The following SH3BP4 variants were observed in gnomAD, a reference collection of about 807,000 sequenced individuals.
SH3BP4 encodes SH3 domain-binding protein 4.
Under a neutral mutation model 65.5 loss-of-function variants are expected in SH3BP4, and 33 were observed. That is an observed-to-expected ratio of 0.50 (90% CI 0.38 to 0.67). The LOEUF (loss-of-function observed/expected upper bound fraction) is 0.67, where lower values mean the gene tolerates loss of function less well. Among genes scored for constraint, SH3BP4 ranks in the 30% least tolerant of loss-of-function variants. The pLI is 0.00. For synonymous variants in SH3BP4, 552 were observed against 545.5 expected, an observed-to-expected ratio of 1.01 and a Z score of -0.17; for missense variants, 1,134 against 1,261.4, an observed-to-expected ratio of 0.90 and a Z score of 1.53.
chr2:235,023,054 A>G (rs903528067), intron 2 of SH3BP4, among the ~76,000 whole-genome samples: 60 of 152,292 alleles, frequency 3.9e-4, no homozygotes, highest in African/African-American at 1.3e-3. Flanking sequence ...CGGCAAAATG[A>G]CTTTCCCCAA....
At chr2:234,984,315 C>G (rs1249135006) in intron 1 of SH3BP4, among the ~76,000 whole-genome samples, 1 of 152,196 alleles carries the variant, frequency 6.6e-6, no homozygotes, top group Non-Finnish European at 1.5e-5. Flanking sequence ...GATCCTCCCA[C>G]CCCAGCCTCC....
intron 2 of SH3BP4, among the ~76,000 whole-genome samples, chr2:235,015,712 G>A (rs1224318743): frequency 1.3e-5 from 2 of 152,192 alleles, no homozygotes; most frequent in Non-Finnish European, 2.9e-5. Context: ...TGAGTGGTGG[G>A]GTTGGCCAGA....
Position 234,974,355 on chromosome 2 carries a change from CTCTG to C in SH3BP4, c.-206-20944_-206-20941del, listed in dbSNP as rs549364462. Among the ~76,000 whole-genome samples, 274 of 151,858 alleles carry C rather than the reference CTCTG, an allele frequency of 1.8e-3. 1 individual carries two copies. The highest frequency in any genetic ancestry group is 6.4e-3 in the African/African-American group (266 of 41,376). On this transcript the variant is annotated intron_variant, in intron 1 of 5. Transcript: ENST00000392011. This position sits in a 1 kb window ranked among gnomAD's most constrained non-coding sequence, Gnocchi z 4.6. ...ACTCCAGCCTGGGCAAAGAGCGAAA[CTCTG>C]TCTAAAAAAAAATAAATAAATAAAA... is the stretch of plus-strand genomic sequence containing the variant.
At position 234,952,169 on chromosome 2, in the gene SH3BP4, A is replaced by C. The variant is rs1692484494; in HGVS notation, c.-208A>C. ...AGCCGGCGGGGACGCCATGCGAGCC[A>C]GGTAGGCAGGCGGCGGCGGGGAGCG... On this transcript the variant is annotated splice_region_variant and 5_prime_UTR_variant, in exon 1 of 6. Transcript: ENST00000392011. This position sits in a 1 kb window ranked among gnomAD's most constrained non-coding sequence, Gnocchi z 6.5. The C allele has an allele frequency of 6.7e-6, 1 of 149,088 alleles. No individual in the cohort carries two copies. The highest frequency in any genetic ancestry group is 2.4e-5 in the African/African-American group (1 of 40,888). 9.2% of individuals were successfully genotyped at this position (149,088 alleles called of 1,614,324 possible). A position where few individuals can be genotyped will look rare whatever the true frequency, so the allele number is the denominator to read the frequency against.
Position 234,985,767 on chromosome 2 carries a change from C to T in SH3BP4, c.-206-9536C>T, listed in dbSNP as rs868044690. On this transcript the variant is annotated intron_variant, in intron 1 of 5. Transcript: ENST00000392011. Reference sequence around the variant, plus strand: ...TGAACCAGCCTGTGACACACGCCTACGAGCTCAAGGAGCACGGTGCAGGTG... The same window carrying T: ...TGAACCAGCCTGTGACACACGCCTATGAGCTCAAGGAGCACGGTGCAGGTG... Among the ~76,000 whole-genome samples the T allele has an allele frequency of 4.0e-5, 6 of 151,444 alleles. No individual in the cohort carries two copies. In the South Asian group the frequency reaches 1.0e-3, roughly 26 times the overall value.
intron 1 of SH3BP4, among the ~76,000 whole-genome samples, chr2:234,968,892 T>G (rs902965418): frequency 6.6e-6 from 1 of 152,262 alleles, no homozygotes; most frequent in Admixed American, 6.5e-5. Context: ...TTTTATTTTA[T>G]GCAAACAGTG....
At chr2:234,989,656 T>C (rs946559795) in intron 1 of SH3BP4, among the ~76,000 whole-genome samples, 15 of 152,366 alleles carry the variant, frequency 9.8e-5, no homozygotes, top group African/African-American at 3.1e-4. Context: ...AGAAGAGCTA[T>C]TGATAAACTG....
intron 4 of SH3BP4, among the ~76,000 whole-genome samples, chr2:235,048,798 C>G (rs554805982): frequency 4.6e-5 from 7 of 152,308 alleles, no homozygotes; most frequent in African/African-American, 1.7e-4. Flanking sequence ...CTATCTGTCC[C>G]TTTATAAAGT....
chr2:235,005,905 G>A (rs1215539928), intron 2 of SH3BP4, among the ~76,000 whole-genome samples: 2 of 152,042 alleles, frequency 1.3e-5, no homozygotes, highest in African/African-American at 2.4e-5. Context: ...ACACAGCCAA[G>A]CACTCTTAGC....
rs1237853566 is a variant in SH3BP4, at chr2:235,002,805, G to A, written c.-133+7429G>A. Among the ~76,000 whole-genome samples the A allele has an allele frequency of 5.3e-5, 8 of 152,330 alleles. No individual in the cohort carries two copies. In the East Asian group the frequency reaches 7.7e-4, roughly 15 times the overall value. On this transcript the variant is annotated intron_variant, in intron 2 of 5. Coordinates refer to ENST00000392011, the MANE Select transcript of SH3BP4 (RefSeq NM_014521.3). ...AGTAGAATCTTCTGATCCCAGTGCCGTGACATAGGGTCCCCAGAGCAGATG... is the reference window on the plus strand; with the variant it reads ...AGTAGAATCTTCTGATCCCAGTGCCATGACATAGGGTCCCCAGAGCAGATG...
At chr2:235,003,384 A>G (rs1256051708) in intron 2 of SH3BP4, among the ~76,000 whole-genome samples, 4 of 152,388 alleles carry the variant, frequency 2.6e-5, no homozygotes, top group African/African-American at 9.6e-5. Context: ...TTTGACAGGA[A>G]AAAAGGGGAT....
chr2:234,969,144 C>G (rs1451870017), intron 1 of SH3BP4, among the ~76,000 whole-genome samples: 1 of 152,226 alleles, frequency 6.6e-6, no homozygotes, highest in Non-Finnish European at 1.5e-5. Flanking sequence ...CACAGGGGAG[C>G]TTTCATTTGA....
intron 2 of SH3BP4, among the ~76,000 whole-genome samples, chr2:235,007,625 C>T (rs748616370): frequency 1.8e-4 from 27 of 152,166 alleles, no homozygotes; most frequent in Non-Finnish European, 3.4e-4. Flanking sequence ...AATTGATTGA[C>T]TGGTTTTGGA....
At position 234,970,128 on chromosome 2, in the gene SH3BP4, TAC is replaced by T. The variant is rs532643196; in HGVS notation, c.-207+17967_-207+17968del. Among the ~76,000 whole-genome samples the T allele has an allele frequency of 6.6e-5, 10 of 151,550 alleles. No individual in the cohort carries two copies. In the East Asian group the frequency reaches 1.4e-3, roughly 21 times the overall value. On this transcript the variant is annotated intron_variant, in intron 1 of 5. Coordinates refer to ENST00000392011, the MANE Select transcript of SH3BP4 (RefSeq NM_014521.3). ...TCACTCACACACACTCTCACACTCT[TAC>T]ACACACACTCTCACACTCACTCACA...
chr2:234,991,671 C>T lies in SH3BP4; in HGVS notation c.-206-3632C>T, dbSNP rs140890598. On this transcript the variant is annotated intron_variant, in intron 1 of 5. Coordinates refer to ENST00000392011, the MANE Select transcript of SH3BP4 (RefSeq NM_014521.3). The surrounding 1 kb of genome is among the most constrained non-coding windows in gnomAD (Gnocchi z 4.2). Reference sequence around the variant, plus strand: ...GGAGAACAGTGCTTGACTGAAAGATCGTACCCCCCTCTTCTCAGCAAGGCG... The same window carrying T: ...GGAGAACAGTGCTTGACTGAAAGATTGTACCCCCCTCTTCTCAGCAAGGCG... Among the ~76,000 whole-genome samples, 3 of 152,336 alleles carry T rather than the reference C, an allele frequency of 2.0e-5. No homozygotes were observed. The highest frequency in any genetic ancestry group is 4.1e-4 in the South Asian group (2 of 4,828).
chr2:235,018,434 C>T (rs976521408), intron 2 of SH3BP4, among the ~76,000 whole-genome samples: 4 of 152,246 alleles, frequency 2.6e-5, no homozygotes, highest in African/African-American at 4.8e-5. Context: ...GCTGCCACTT[C>T]CCTCTTAAAC....
chr2:234,986,995 C>G (rs1192997819), intron 1 of SH3BP4, among the ~76,000 whole-genome samples: 1 of 151,990 alleles, frequency 6.6e-6, no homozygotes, highest in Admixed American at 6.6e-5. Context: ...TGGTCTCTAA[C>G]TCCTGACCTC....
At chr2:234,957,861 G>A (rs1042852632) in intron 1 of SH3BP4, among the ~76,000 whole-genome samples, 1 of 152,104 alleles carries the variant, frequency 6.6e-6, no homozygotes, top group Non-Finnish European at 1.5e-5. Flanking sequence ...CCCTTGCAGA[G>A]CAGGGAATGT....
At chr2:235,053,001 C>T (rs1441889229) in intron 5 of SH3BP4, among the ~76,000 whole-genome samples, 1 of 152,232 alleles carries the variant, frequency 6.6e-6, no homozygotes, top group Non-Finnish European at 1.5e-5. Flanking sequence ...ACAAACAGAA[C>T]TGCCTGTCCC....
Sources: gnomAD v4.1 joint callset for allele counts (sites outside exome capture counted in the v4.1 genomes callset) on GRCh38, gnomAD v4.1.1 for gene constraint, Gnocchi (gnomAD v3.1) non-coding constraint, MANE v1.5 for transcripts, NCBI Gene and HGNC (gene_info 2026-07-23, HGNC 2026-07-21) for gene names.